The following EHD2 variants were observed in gnomAD, a reference collection of about 807,000 sequenced individuals.
The protein encoded by EHD2 is EH domain-containing protein 2.
In EHD2, 27 loss-of-function variants were observed where a neutral mutation model predicts 41.0. That is an observed-to-expected ratio of 0.66 (90% confidence interval 0.49 to 0.91). EHD2 has a LOEUF of 0.91. Ranked by LOEUF, EHD2 falls within the 40% of genes least tolerant of loss-of-function variation. The probability of loss-of-function intolerance (pLI) is 0.00; values close to 1 mark genes in which losing one functional copy is unlikely to be tolerated. For synonymous variants in EHD2, 342 were observed against 341.0 expected (o/e 1.00, Z -0.03); for missense variants, 673 against 773.9 (o/e 0.87, Z 1.55).
Position 47,741,877 on chromosome 19 carries a change from G to A in EHD2, c.*445G>A, listed in dbSNP as rs1182928983. The A allele has an allele frequency of 2.2e-6, 1 of 459,992 alleles. No individual in the cohort carries two copies. Among genetic ancestry groups the A allele is most frequent in the East Asian group, 6.9e-5 (1 of 14,552 alleles). 28.5% of individuals were successfully genotyped at this position (459,992 alleles called of 1,614,324 possible). A position where few individuals can be genotyped will look rare whatever the true frequency, so the allele number is the denominator to read the frequency against. ...GCAAACACACACTAATTCCTGGCAG[G>A]GCCCCCAGCCCCTCCCCTGGCTGAG... On this transcript the variant is annotated 3_prime_UTR_variant, in exon 6 of 6. Transcript: ENST00000263277. This position sits in a 1 kb window ranked among gnomAD's most constrained non-coding sequence, Gnocchi z 4.5.
Position 47,734,917 on chromosome 19 carries a change from G to T in EHD2, c.916-1452G>T, listed in dbSNP as rs576141276. Among the ~76,000 whole-genome samples, 13 of 152,094 alleles carry T rather than the reference G, an allele frequency of 8.5e-5. No homozygotes were observed. In the East Asian group the frequency reaches 2.5e-3, roughly 29 times the overall value. On this transcript the variant is annotated intron_variant, in intron 4 of 5. Coordinates refer to ENST00000263277, the MANE Select transcript of EHD2 (RefSeq NM_014601.4). ...AACATACAAAAATTGACCAGGCATGGTGGCACGTGCCTGTAATCCCAGCTA... is the reference window on the plus strand; with the variant it reads ...AACATACAAAAATTGACCAGGCATGTTGGCACGTGCCTGTAATCCCAGCTA...
At chr19:47,732,226 T>C (rs2123653410) in intron 4 of EHD2, 1 of 152,186 alleles carries the variant, frequency 6.6e-6, no homozygotes, top group East Asian at 1.9e-4. Flanking sequence ...TTCAAGTGAT[T>C]CTCCTGCCTC....
At chr19:47,714,028 C>G (rs1973600829) in intron 1 of EHD2, among the ~76,000 whole-genome samples, 1 of 152,146 alleles carries the variant, frequency 6.6e-6, no homozygotes, top group Non-Finnish European at 1.5e-5. Context: ...GATCCTGCCT[C>G]TCTTTTCCAT....
intron 4 of EHD2, among the ~76,000 whole-genome samples, chr19:47,730,275 T>C (rs1973794852): frequency 6.6e-6 from 1 of 151,104 alleles, no homozygotes; most frequent in African/African-American, 2.4e-5. Context: ...GGAGCCGCCC[T>C]TCGGCCCTGC....
At chr19:47,714,576 G>T (rs906448147) in intron 1 of EHD2, among the ~76,000 whole-genome samples, 1 of 152,126 alleles carries the variant, frequency 6.6e-6, no homozygotes, top group Non-Finnish European at 1.5e-5. Flanking sequence ...CATTGCTCCT[G>T]GGTTGGTCAT....
intron 1 of EHD2, among the ~76,000 whole-genome samples, chr19:47,715,640 G>C (rs80064955): frequency 0.012 from 1,774 of 152,148 alleles, 37 homozygotes; most frequent in African/African-American, 0.041. Context: ...TGAATGAAGC[G>C]ATTAAGGAAT....
intron 4 of EHD2, among the ~76,000 whole-genome samples, chr19:47,733,478 C>T (rs1358221520): frequency 2.6e-5 from 4 of 151,782 alleles, no homozygotes; most frequent in African/African-American, 9.7e-5. Context: ...TCGAGACCAT[C>T]CTGGCCAACA....
In EHD2 at chr19:47,742,132, CTTCCTTCCTTCTTTTCT is replaced by C. The variant is rs983981989; in HGVS notation, c.*712_*728del. ...CTGCCCACACCCATTTATTTCCTTC[CTTCCTTCCTTCTTTTCT>C]TTCCTTCCTTCCTTCTTTTTTGTTT... On this transcript the variant is annotated 3_prime_UTR_variant, in exon 6 of 6. Transcript: ENST00000263277. The C allele has an allele frequency of 1.2e-5, 4 of 327,378 alleles. No homozygotes were observed. Among genetic ancestry groups the C allele is most frequent in the African/African-American group, 8.2e-5 (3 of 36,416 alleles). The allele number at this position is 327,378 out of a possible 1,614,324, so 20.3% of individuals were successfully genotyped here. A position where few individuals can be genotyped will look rare whatever the true frequency, so the allele number is the denominator to read the frequency against.
chr19:47,732,398 C>T (rs140154205), intron 4 of EHD2, among the ~76,000 whole-genome samples: 12,840 of 151,888 alleles, frequency 0.085, 727 homozygotes, highest in Non-Finnish European at 0.12. Context: ...GGATTACAGG[C>T]GTGAGCCACC....
In EHD2 at chr19:47,719,374, C is replaced by T. The variant is rs1417781958; in HGVS notation, c.502+768C>T. Among the ~76,000 whole-genome samples, 1 of 151,906 alleles carries T rather than the reference C, an allele frequency of 6.6e-6. No individual in the cohort carries two copies. The highest frequency in any genetic ancestry group is 1.5e-5 in the Non-Finnish European group (1 of 67,946). On this transcript the variant is annotated intron_variant, in intron 3 of 5. Transcript: ENST00000263277. This position sits in a 1 kb window ranked among gnomAD's most constrained non-coding sequence, Gnocchi z 4.1. The stretch of plus-strand genomic sequence containing the variant: ...GCCGAGAAGGGGATGGGAAGGGAAT[C>T]TGGGTGGGGGCCAAGGCCAGGCCTG...
chr19:47,726,175 C>A lies in EHD2; in HGVS notation c.866C>A (p.Ala289Glu), dbSNP rs1298676688. 2 of 1,565,826 alleles carry A rather than the reference C, an allele frequency of 1.3e-6. No homozygotes were observed. Reference protein sequence around the residue: ...FRDIQGLPRHAALRKLNDLVK... With the variant: ...FRDIQGLPRHEALRKLNDLVK... ...GACATCCAGGGCCTGCCCCGGCACGCAGCCTTGCGCAAGCTCAACGACCTG... is the reference window on the plus strand; with the variant it reads ...GACATCCAGGGCCTGCCCCGGCACGAAGCCTTGCGCAAGCTCAACGACCTG... The change falls in exon 4 of 6, where the codon GCA (alanine) becomes GAA (glutamate). Residue 289 changes from alanine to glutamate, a missense_variant. Coordinates refer to ENST00000263277, the MANE Select transcript of EHD2 (RefSeq NM_014601.4).
chr19:47,728,571 C>CTTTT (rs761204748), intron 4 of EHD2, among the ~76,000 whole-genome samples: 12 of 131,142 alleles, frequency 9.2e-5, no homozygotes, highest in East Asian at 4.2e-4. Context: ...TTCTTTCTTT[C>CTTTT]TTTTTTTTTT....
At position 47,734,977 on chromosome 19, in the gene EHD2, C is replaced by T. The variant is rs189774166; in HGVS notation, c.916-1392C>T. 4.0e-3 allele frequency among the ~76,000 whole-genome samples: 612 copies of T among 151,470 alleles called. 8 individuals carry two copies. The highest frequency in any genetic ancestry group is 0.027 in the Admixed American group (412 of 15,186). On this transcript the variant is annotated intron_variant, in intron 4 of 5. Transcript: ENST00000263277. ...CCAGGGCAGGAGGATTGCTTGAACCCGGAGGTGGAGGTTGCAGTGAGACAA... is the reference window on the plus strand; with the variant it reads ...CCAGGGCAGGAGGATTGCTTGAACCTGGAGGTGGAGGTTGCAGTGAGACAA...
At chr19:47,718,689 CGG>C (rs1973659170) in intron 3 of EHD2, 83 bp downstream of exon 3, 1 of 1,045,418 alleles carries the variant, frequency 9.6e-7, no homozygotes, top group African/African-American at 2.3e-5. Flanking sequence ...GGACTGGGCC[CGG>C]ACTCCTGGGT....
At chr19:47,736,896 G>C (rs574855903) in intron 5 of EHD2, among the ~76,000 whole-genome samples, 2 of 152,294 alleles carry the variant, frequency 1.3e-5, no homozygotes, top group African/African-American at 4.8e-5. Flanking sequence ...CAAAAGGGCT[G>C]TGAAGGCTCC....
At chr19:47,731,280 A>AATATATATATATATATG (rs1491458646) in intron 4 of EHD2, 4 of 54,730 alleles carry the variant, frequency 7.3e-5, no homozygotes, top group African/African-American at 1.3e-4. Flanking sequence ...AAAAAAAAAA[A>AATATATATATATATATG]TATATATATA....
intron 2 of EHD2, among the ~76,000 whole-genome samples, chr19:47,718,228 G>C (rs1448863907): frequency 6.8e-6 from 1 of 147,166 alleles, no homozygotes; most frequent in East Asian, 2.0e-4. Context: ...AGCTGAGATA[G>C]TGCCATTGCA....
At chr19:47,715,910 G>A (rs1368725625) in intron 1 of EHD2, among the ~76,000 whole-genome samples, 2 of 152,014 alleles carry the variant, frequency 1.3e-5, no homozygotes, top group Admixed American at 1.3e-4. Context: ...TGGGACTACA[G>A]GTGGCCACCA....
At chr19:47,736,644 A>C in intron 5 of EHD2, 111 bp downstream of exon 5, 1 of 1,253,400 alleles carries the variant, frequency 8.0e-7, no homozygotes, top group East Asian at 2.6e-5. Context: ...AGGTTCTGGA[A>C]AGCGCCTCCC....
Sources: gnomAD v4.1 joint callset for allele counts (sites outside exome capture counted in the v4.1 genomes callset) on GRCh38, gnomAD v4.1.1 for gene constraint, Gnocchi (gnomAD v3.1) non-coding constraint, MANE v1.5 for transcripts, NCBI Gene and HGNC (gene_info 2026-07-23, HGNC 2026-07-21) for gene names.